DYM: variants seen among roughly 807,000 people sequenced by gnomAD.
DYM encodes dyggve-Melchior-Clausen syndrome protein.
A neutral mutation model predicts 93.1 loss-of-function variants in DYM; 78 were observed. The observed-to-expected ratio is 0.84, with a 90% CI of 0.70 to 1.01. The LOEUF is 1.01. Ranked by LOEUF, DYM falls within the 50% of genes least tolerant of loss-of-function variation. DYM has a pLI of 0.00. For missense variants in DYM, 789 were observed against 845.0 expected, an observed-to-expected ratio of 0.93 and a Z score of 0.82; for synonymous variants, 321 against 319.7, an observed-to-expected ratio of 1.00 and a Z score of -0.04.
chr18:49,166,568 T>C (rs1010505837), intron 14 of DYM, among the ~76,000 whole-genome samples: 3 of 151,734 alleles, frequency 2.0e-5, no homozygotes, highest in African/African-American at 7.3e-5. Flanking sequence ...AGGGGGTCCA[T>C]ATTTTCGAGT....
chr18:49,139,246 A>T (rs2144355148), intron 15 of DYM, among the ~76,000 whole-genome samples: 1 of 152,278 alleles, frequency 6.6e-6, no homozygotes, highest in Admixed American at 6.5e-5. Flanking sequence ...CAGCCCTCTG[A>T]TCCATCCTTT....
intron 13 of DYM, among the ~76,000 whole-genome samples, chr18:49,235,503 A>C (rs563340832): frequency 2.0e-5 from 3 of 152,232 alleles, no homozygotes; most frequent in Admixed American, 6.5e-5. Flanking sequence ...ACAGACTTTA[A>C]TAAGGCCTAT....
chr18:49,286,445 T>C lies in DYM; in HGVS notation c.935A>G (p.Lys312Arg), dbSNP rs769712199. ...NPYRQAIMSF[K>R]NTQDSSPFPS... ...AAAATACCACAAACCTTGTGTGTTC[T>C]TGAAGGACATAATGGCTTGTCTGTA... The change falls in exon 9 of 18, where the codon AAG (lysine) becomes AGG (arginine). Residue 312 changes from lysine to arginine, a missense_variant. By Grantham distance (26) the Lys-to-Arg change is conservative. Coordinates refer to ENST00000675505, the MANE Select transcript of DYM (RefSeq NM_001353214.3). 14 of 1,614,188 alleles carry C rather than the reference T, an allele frequency of 8.7e-6. No homozygotes were observed. The South Asian group carries it at 1.5e-4, about 18-fold the overall frequency.
intron 1 of DYM, among the ~76,000 whole-genome samples, chr18:49,432,186 T>C (rs991091939): frequency 6.6e-6 from 1 of 151,846 alleles, no homozygotes; most frequent in Non-Finnish European, 1.5e-5. Context: ...ACAAAATTAG[T>C]CTGGCATGGT....
chr18:49,307,883 G>A (rs2061362276), intron 8 of DYM, among the ~76,000 whole-genome samples: 1 of 152,198 alleles, frequency 6.6e-6, no homozygotes, highest in African/African-American at 2.4e-5. Context: ...TTGACAGCAA[G>A]AATTTGCCTG....
chr18:49,102,494 C>T (rs552243464), intron 16 of DYM, among the ~76,000 whole-genome samples: 3 of 152,030 alleles, frequency 2.0e-5, no homozygotes, highest in Non-Finnish European at 2.9e-5. Context: ...TATACATGTG[C>T]CATGTTTGTG....
chr18:49,097,297 A>G, intron 17 of DYM, 105 bp downstream of exon 17: 1 of 1,005,028 alleles, frequency 9.9e-7, no homozygotes, highest in Non-Finnish European at 1.5e-6. Context: ...CTTCTAGTCT[A>G]TGTACTGGAT....
At chr18:49,421,964 A>G (rs985628628) in intron 2 of DYM, among the ~76,000 whole-genome samples, 1 of 152,212 alleles carries the variant, frequency 6.6e-6, no homozygotes, top group Non-Finnish European at 1.5e-5. Context: ...AAGAAAGAAT[A>G]AAAAGAAATG....
intron 1 of DYM, among the ~76,000 whole-genome samples, chr18:49,454,692 G>A (rs1055401197): frequency 9.9e-5 from 15 of 151,438 alleles, no homozygotes; most frequent in Non-Finnish European, 5.9e-5. Flanking sequence ...GAGGTCAGGA[G>A]ATCGAGACCA....
At chr18:49,264,266 G>C (rs143395066) in intron 11 of DYM, among the ~76,000 whole-genome samples, 2 of 151,900 alleles carry the variant, frequency 1.3e-5, no homozygotes, top group African/African-American at 4.8e-5. Context: ...TTTCAAATAT[G>C]TTCTCATGAG....
intron 2 of DYM, among the ~76,000 whole-genome samples, chr18:49,428,064 C>T (rs1418445716): frequency 1.3e-5 from 2 of 151,690 alleles, no homozygotes; most frequent in Non-Finnish European, 2.9e-5. Context: ...GCAATCCAGC[C>T]TGGGCAACAG....
chr18:49,393,029 G>GGAGGAGGAGGAGGAGGAGGA (rs2069493858), intron 2 of DYM, among the ~76,000 whole-genome samples: 1 of 104,266 alleles, frequency 9.6e-6, no homozygotes, highest in South Asian at 3.5e-4. Context: ...AGAGGAAGAA[G>GGAGGAGGAGGAGGAGGAGGA]GAGGAGGAGG....
At chr18:49,114,659 TC>T in intron 16 of DYM, 1 of 815,586 alleles carries the variant, frequency 1.2e-6, no homozygotes, top group Non-Finnish European at 1.5e-6. Flanking sequence ...ACTTTTTTTT[TC>T]TTTTTCTTTC....
At chr18:49,291,969 A>G (rs532791607) in intron 8 of DYM, among the ~76,000 whole-genome samples, 22 of 152,170 alleles carry the variant, frequency 1.4e-4, no homozygotes, top group Admixed American at 1.4e-3. Context: ...GTCAGCTCCA[A>G]TATCCATCAC....
At chr18:49,299,013 T>C (rs1054427403) in intron 8 of DYM, among the ~76,000 whole-genome samples, 3 of 152,148 alleles carry the variant, frequency 2.0e-5, no homozygotes, top group Non-Finnish European at 4.4e-5. Flanking sequence ...GAAAGGGTGC[T>C]GTGAGCTCAG....
intron 17 of DYM, chr18:49,048,576 G>C (rs1297807779): frequency 6.6e-6 from 1 of 152,212 alleles, no homozygotes; most frequent in Non-Finnish European, 1.5e-5. Context: ...TCTCTAAGGA[G>C]GGTGGAATGG....
intron 2 of DYM, among the ~76,000 whole-genome samples, chr18:49,426,884 T>C (rs2074350762): frequency 6.6e-6 from 1 of 151,902 alleles, no homozygotes; most frequent in African/African-American, 2.4e-5. Context: ...ACCAACCCCT[T>C]CCTGAAAATT....
intron 13 of DYM, among the ~76,000 whole-genome samples, chr18:49,214,474 A>C (rs1460962827): frequency 6.6e-6 from 1 of 152,104 alleles, no homozygotes; most frequent in Non-Finnish European, 1.5e-5. Flanking sequence ...ACTGACTTCC[A>C]CAAAACTGGT....
intron 11 of DYM, among the ~76,000 whole-genome samples, chr18:49,271,147 G>A (rs192649144): frequency 2.2e-4 from 34 of 152,142 alleles, no homozygotes; most frequent in Middle Eastern, 3.4e-3. Flanking sequence ...AAGAAAATTC[G>A]GTAAGTTTGA....
Sources: allele counts gnomAD v4.1 joint callset (sites outside exome capture counted in the v4.1 genomes callset), GRCh38; gene constraint gnomAD v4.1.1; transcripts MANE v1.5; gene names NCBI Gene and HGNC (gene_info 2026-07-23, HGNC 2026-07-21).